The following OR52N4 variants were observed in gnomAD, a reference collection of about 807,000 sequenced individuals.
OR52N4 encodes olfactory receptor family 52 subfamily N member 4, also known as olfactory receptor 52N4.
In OR52N4, 15 loss-of-function variants were observed where a neutral mutation model predicts 15.0. The observed-to-expected ratio is 1.00, with a 90% CI of 0.67 to 1.54. OR52N4 has a LOEUF of 1.54. Ranked by LOEUF, OR52N4 falls within the 40% of genes most tolerant of loss-of-function variation. The pLI is 0.00. For synonymous variants in OR52N4, 143 were observed against 143.7 expected, an observed-to-expected ratio of 1.00 and a Z score of 0.03; for missense variants, 421 against 394.0, an observed-to-expected ratio of 1.07 and a Z score of -0.58.
In OR52N4 at chr11:5,754,298, T is replaced by C. The variant is rs575192113; in HGVS notation, c.-56T>C. ...AGTCAACATCTCATCTCTCAGATCA[T>C]CAGTGAGGTAATCAAATGACTCTTC... On this transcript the variant is annotated 5_prime_UTR_variant, in exon 1 of 2. Coordinates refer to ENST00000641350, the MANE Select transcript of OR52N4 (RefSeq NM_001005175.5). 1 of 155,304 alleles carries C rather than the reference T, an allele frequency of 6.4e-6. No homozygotes were observed. Among genetic ancestry groups the C allele is most frequent in the African/African-American group, 2.4e-5 (1 of 41,616 alleles). 9.6% of individuals were successfully genotyped at this position (155,304 alleles called of 1,614,324 possible). A position where few individuals can be genotyped will look rare whatever the true frequency, so the allele number is the denominator to read the frequency against.
At chr11:5,728,246 TA>T in the OR52N4 span, among the ~76,000 whole-genome samples, 5,787 of 152,308 alleles carry the variant, frequency 0.038, 153 homozygotes, top group East Asian at 0.09. Context: ...GTCATTGACT[TA>T]TCTCCTGAAC....
chr11:5,749,375 T>G (rs920576383), upstream of OR52N4, among the ~76,000 whole-genome samples: 10 of 151,960 alleles, frequency 6.6e-5, no homozygotes, highest in Admixed American at 2.6e-4. Context: ...AAGCATTGTG[T>G]GAGGTTGAGT....
chr11:5,729,982 C>T, the OR52N4 span, among the ~76,000 whole-genome samples: 1 of 152,080 alleles, frequency 6.6e-6, no homozygotes, highest in Non-Finnish European at 1.5e-5. Context: ...CTGTTTATAA[C>T]CCATTTGAAT....
the OR52N4 span, among the ~76,000 whole-genome samples, chr11:5,746,502 T>C: frequency 7.2e-5 from 11 of 152,278 alleles, no homozygotes; most frequent in South Asian, 6.2e-4. Flanking sequence ...AACATATGTA[T>C]ATGCTCTTTC....
At chr11:5,746,457 C>G in the OR52N4 span, among the ~76,000 whole-genome samples, 1 of 152,054 alleles carries the variant, frequency 6.6e-6, no homozygotes, top group Non-Finnish European at 1.5e-5. Context: ...AACAAGAACA[C>G]AAATAACACC....
At chr11:5,728,108 C>G in the OR52N4 span, among the ~76,000 whole-genome samples, 3 of 152,152 alleles carry the variant, frequency 2.0e-5, no homozygotes, top group African/African-American at 7.2e-5. Context: ...TTCTATTTAT[C>G]TCACAGGTAC....
the OR52N4 span, chr11:5,736,397 T>C: frequency 3.7e-6 from 3 of 818,122 alleles, no homozygotes; most frequent in East Asian, 2.4e-5. Flanking sequence ...ATTTAATCTA[T>C]ATAATTTCTA....
chr11:5,749,755 C>T (rs182044010), upstream of OR52N4, among the ~76,000 whole-genome samples: 7 of 151,742 alleles, frequency 4.6e-5, no homozygotes, highest in South Asian at 2.1e-4. Context: ...GATGGTTGAA[C>T]GAAAACAAAA....
chr11:5,743,047 G>A, the OR52N4 span, among the ~76,000 whole-genome samples: 1 of 152,094 alleles, frequency 6.6e-6, no homozygotes. Context: ...GGTATAAAAA[G>A]ATGTTTCACA....
the OR52N4 span, among the ~76,000 whole-genome samples, chr11:5,748,535 T>C: frequency 6.6e-6 from 1 of 151,902 alleles, no homozygotes; most frequent in East Asian, 1.9e-4. Flanking sequence ...CAACTATTCA[T>C]AATTCATTTC....
chr11:5,755,785 T>C lies in OR52N4; in HGVS notation c.*79T>C, dbSNP rs532502470. 9.3e-6 allele frequency: 14 copies of C among 1,506,702 alleles called. No individual in the cohort carries two copies. The African/African-American group carries it at 1.9e-4, about 21-fold the overall frequency. The allele number at this position is 1,506,702 out of a possible 1,614,324, so 93.3% of individuals were successfully genotyped here. On this transcript the variant is annotated 3_prime_UTR_variant, in exon 2 of 2. Transcript: ENST00000641350. ...CTTATGCAGGAGTTCATAAAATCTT[T>C]CTGGAAGCACTGTATTGATCACAAA...
At chr11:5,745,788 T>C in the OR52N4 span, among the ~76,000 whole-genome samples, 1 of 152,178 alleles carries the variant, frequency 6.6e-6, no homozygotes, top group Non-Finnish European at 1.5e-5. Context: ...ATTACCTGAC[T>C]TCAACTACAA....
At chr11:5,733,831 A>G in the OR52N4 span, among the ~76,000 whole-genome samples, 24 of 152,194 alleles carry the variant, frequency 1.6e-4, no homozygotes, top group Non-Finnish European at 2.6e-4. Flanking sequence ...TGTGTGCTTA[A>G]AAACCATTCA....
the OR52N4 span, among the ~76,000 whole-genome samples, chr11:5,745,941 T>G: frequency 6.6e-6 from 1 of 152,152 alleles, no homozygotes; most frequent in Non-Finnish European, 1.5e-5. Flanking sequence ...TACCCAGCTT[T>G]GGTATAAATA....
At chr11:5,741,625 T>C in the OR52N4 span, among the ~76,000 whole-genome samples, 20 of 152,198 alleles carry the variant, frequency 1.3e-4, no homozygotes, top group African/African-American at 2.4e-5. Context: ...GGGGCACCAG[T>C]ATTACTAAAA....
At chr11:5,744,069 G>T in the OR52N4 span, among the ~76,000 whole-genome samples, 97 of 152,166 alleles carry the variant, frequency 6.4e-4, no homozygotes, top group South Asian at 1.7e-3. Flanking sequence ...AAATATAAAA[G>T]ATTATTAGAG....
the OR52N4 span, chr11:5,737,468 C>T: frequency 1.7e-4 from 281 of 1,611,500 alleles, no homozygotes; most frequent in Non-Finnish European, 2.2e-4. Flanking sequence ...GCTGTTTGCC[C>T]TTACAAAAGA....
the OR52N4 span, among the ~76,000 whole-genome samples, chr11:5,740,921 G>T: frequency 1.6e-5 from 2 of 127,474 alleles, no homozygotes; most frequent in Admixed American, 1.5e-4. Flanking sequence ...TTATACCAAG[G>T]TGTGCACTCT....
At chr11:5,737,794 A>G in the OR52N4 span, 2 of 247,738 alleles carry the variant, frequency 8.1e-6, no homozygotes, top group East Asian at 1.7e-4. Flanking sequence ...CACACCCACA[A>G]ATACACACAC....
Sources: allele counts gnomAD v4.1 joint callset (sites outside exome capture counted in the v4.1 genomes callset), GRCh38; gene constraint gnomAD v4.1.1; transcripts MANE v1.5; gene names NCBI Gene and HGNC (gene_info 2026-07-23, HGNC 2026-07-21).